NOS1: variants seen among roughly 807,000 people sequenced by gnomAD.
The protein encoded by NOS1 is NOS type I.
NOS1 carries 51 observed loss-of-function variants against 164.5 expected under a neutral mutation model. That is an observed-to-expected ratio of 0.31 (90% confidence interval 0.25 to 0.39). NOS1 has a LOEUF of 0.39. Among genes scored for constraint, NOS1 ranks in the 10% least tolerant of loss-of-function variants. NOS1 has a pLI of 1.00. For synonymous variants in NOS1, 719 were observed against 745.8 expected (o/e 0.96, Z 0.59); for missense variants, 1,362 against 1,885.6 (o/e 0.72, Z 5.14).
chr12:117,221,128 A>T (rs1021138701), intron 26 of NOS1, among the ~76,000 whole-genome samples: 1 of 130,490 alleles, frequency 7.7e-6, no homozygotes, highest in Non-Finnish European at 1.6e-5. Flanking sequence ...TGTTAAATTT[A>T]TTTTTATTTA....
chr12:117,301,393 T>C (rs562122635), intron 3 of NOS1, among the ~76,000 whole-genome samples: 2 of 152,188 alleles, frequency 1.3e-5, no homozygotes, highest in South Asian at 4.1e-4. Flanking sequence ...CCTCCCAAAG[T>C]GCTGGGATTA....
chr12:117,346,514 C>T (rs542971324), intron 1 of NOS1, among the ~76,000 whole-genome samples: 3 of 152,102 alleles, frequency 2.0e-5, no homozygotes, highest in South Asian at 2.1e-4. Context: ...GAAAAAGGAA[C>T]GACAATGTGG....
At chr12:117,238,232 T>A (rs991448246) in intron 20 of NOS1, among the ~76,000 whole-genome samples, 1 of 151,856 alleles carries the variant, frequency 6.6e-6, no homozygotes, top group Admixed American at 6.6e-5. Context: ...CAATTTATGG[T>A]TTTAAAAGAT....
chr12:117,313,888 G>T lies in NOS1; in HGVS notation c.726-2296C>A, dbSNP rs533566298. 6.6e-5 allele frequency among the ~76,000 whole-genome samples: 10 copies of T among 152,296 alleles called. No individual in the cohort carries two copies. In the South Asian group the frequency reaches 2.1e-3, roughly 32 times the overall value. The stretch of plus-strand genomic sequence containing the variant: ...GTTCCCTAACTGGGCAATGCAGCTT[G>T]CCCTGTGGCTCATCTTGGTTTGGGT... On this transcript the variant is annotated intron_variant, in intron 2 of 28. Transcript: ENST00000317775.
chr12:117,208,803 G>A lies in NOS1; in HGVS notation c.*6506C>T. 1 of 879,396 alleles carries A rather than the reference G, an allele frequency of 1.1e-6. No homozygotes were observed. Among genetic ancestry groups the A allele is most frequent in the Non-Finnish European group, 1.4e-6 (1 of 734,236 alleles). The allele number at this position is 879,396 out of a possible 1,614,324, so 54.5% of individuals were successfully genotyped here. On this transcript the variant is annotated 3_prime_UTR_variant, in exon 29 of 29. Transcript: ENST00000317775. ...AGTGGTGCCATCTCGGCTCACTGCA[G>A]CCTCTGCCTCCTGGGTTCAAGTAAT... is the stretch of plus-strand genomic sequence containing the variant.
chr12:117,306,161 G>A (rs757471894), intron 3 of NOS1, among the ~76,000 whole-genome samples: 10 of 152,060 alleles, frequency 6.6e-5, no homozygotes, highest in Non-Finnish European at 1.3e-4. Context: ...AAAGACGAAC[G>A]TAAATCCCAA....
chr12:117,290,389 C>T lies in NOS1; in HGVS notation c.890G>A (p.Gly297Asp), dbSNP rs1872966716. The T allele has an allele frequency of 1.2e-6, 2 of 1,613,608 alleles. No homozygotes were observed. The highest frequency in any genetic ancestry group is 1.3e-5 in the African/African-American group (1 of 74,970). ...GAAGCGTGGACACTTGGAGGGGCTG[C>T]CATTCTTTGTGGGGGACTGTTTTCC... ...TSGKQSPTKN[G>D]SPSKCPRFLK... Residue 297 changes from glycine to aspartate, a missense_variant, in exon 4 of 29, where the codon GGC (glycine) becomes GAC (aspartate). Gly to Asp is a moderately conservative substitution (Grantham distance 94). Around this residue, in one of 4 missense-constraint regions of NOS1, gnomAD observed 362 missense variants for 402.0 expected, o/e 0.90. Coordinates refer to ENST00000317775, the MANE Select transcript of NOS1 (RefSeq NM_000620.5).
chr12:117,247,276 A>G (rs1592947956), intron 18 of NOS1, 72 bp downstream of exon 18: 1 of 1,264,020 alleles, frequency 7.9e-7, no homozygotes, highest in East Asian at 2.5e-5. Context: ...TCTCTTCTTG[A>G]TGGTTTAGGT....
chr12:117,263,849 T>C, intron 13 of NOS1, 40 bp downstream of exon 13: 1 of 1,485,710 alleles, frequency 6.7e-7, no homozygotes, highest in South Asian at 1.1e-5. Context: ...TCTGAGTTTG[T>C]GGGGACATCC....
Position 117,330,625 on chromosome 12 carries a change from C to G in NOS1, c.445G>C (p.Val149Leu). The G allele has an allele frequency of 6.2e-7, 1 of 1,611,084 alleles. No individual in the cohort carries two copies. Among genetic ancestry groups the G allele is most frequent in the Non-Finnish European group, 8.5e-7 (1 of 1,177,884 alleles). ...PPAGKEQPLAVDGASGPGNGP... is the reference protein window; with the variant it reads ...PPAGKEQPLALDGASGPGNGP... ...TTCCCGGGACCCGAGGCCCCATCCA[C>G]TGCCAGGGGCTGTTCTTTGCCGGCC... The change falls in exon 2 of 29, where the codon GTG (valine) becomes CTG (leucine). Residue 149 changes from valine to leucine, a missense_variant. Val to Leu is a conservative substitution (Grantham distance 32). Coordinates refer to ENST00000317775, the MANE Select transcript of NOS1 (RefSeq NM_000620.5). The surrounding 1 kb of genome is among the most constrained non-coding windows in gnomAD (Gnocchi z 4.6).
chr12:117,307,558 G>A (rs1449724191), intron 3 of NOS1, among the ~76,000 whole-genome samples: 1 of 151,926 alleles, frequency 6.6e-6, no homozygotes, highest in Non-Finnish European at 1.5e-5. Context: ...GTAGAGACGG[G>A]GTTTTGCTAT....
chr12:117,283,056 A>ATATATATATATTTTTT (rs1360367568), intron 7 of NOS1, among the ~76,000 whole-genome samples: 2 of 92,954 alleles, frequency 2.2e-5, no homozygotes, highest in African/African-American at 7.2e-5. Flanking sequence ...ATATATATAT[A>ATATATATATATTTTTT]TTTTTTTTTT....
At chr12:117,283,056 A>ATATATATATATATTTTT (rs1360367568) in intron 7 of NOS1, among the ~76,000 whole-genome samples, 2 of 92,954 alleles carry the variant, frequency 2.2e-5, no homozygotes, top group African/African-American at 7.2e-5. Flanking sequence ...ATATATATAT[A>ATATATATATATATTTTT]TTTTTTTTTT....
chr12:117,221,246 A>G (rs1276764812), intron 26 of NOS1, among the ~76,000 whole-genome samples: 1 of 151,410 alleles, frequency 6.6e-6, no homozygotes, highest in Non-Finnish European at 1.5e-5. Flanking sequence ...TCCGCCTCCC[A>G]GGTTCAAGCC....
At chr12:117,277,888 A>C in intron 9 of NOS1, 71 bp downstream of exon 9, 1 of 1,496,156 alleles carries the variant, frequency 6.7e-7, no homozygotes, top group Non-Finnish European at 9.0e-7. Flanking sequence ...GCCAGGGGGG[A>C]TGGGGCTGGG....
intron 1 of NOS1, among the ~76,000 whole-genome samples, chr12:117,342,853 A>G (rs756329771): frequency 2.0e-5 from 3 of 152,022 alleles, no homozygotes; most frequent in Admixed American, 1.3e-4. Flanking sequence ...CAGGTGGTGA[A>G]AGGGAGGAAG....
chr12:117,337,644 T>C (rs1223793610), intron 1 of NOS1, among the ~76,000 whole-genome samples: 1 of 152,122 alleles, frequency 6.6e-6, no homozygotes, highest in African/African-American at 2.4e-5. Context: ...TTTGCAAATA[T>C]CACGTCACCT....
At chr12:117,358,591 A>G (rs577933933) in intron 1 of NOS1, among the ~76,000 whole-genome samples, 139 of 152,292 alleles carry the variant, frequency 9.1e-4, no homozygotes, top group Non-Finnish European at 1.1e-3. Context: ...ACATCATCAC[A>G]GAGTCTTCAA....
At chr12:117,226,649 G>T (rs375804929) in intron 24 of NOS1, 34 bp downstream of exon 24, 185 of 1,592,272 alleles carry the variant, frequency 1.2e-4, no homozygotes, top group Middle Eastern at 1.7e-4. Flanking sequence ...GCAGATTTGA[G>T]ATGATTGCTC....
Sources: gnomAD v4.1 joint callset for allele counts (sites outside exome capture counted in the v4.1 genomes callset) on GRCh38, gnomAD v4.1.1 for gene constraint, gnomAD v4.1.1 regional missense constraint, Gnocchi (gnomAD v3.1) non-coding constraint, MANE v1.5 for transcripts, NCBI Gene and HGNC (gene_info 2026-07-23, HGNC 2026-07-21) for gene names.